Variants in PTPRA observed in about 807,000 individuals in gnomAD.
PTPRA encodes protein tyrosine phosphatase receptor type A.
Under a neutral mutation model 104.8 loss-of-function variants are expected in PTPRA, and 25 were observed. The ratio of observed to expected loss-of-function variants is 0.24; its 90% CI spans 0.17 to 0.33. The LOEUF is 0.33. PTPRA is among the 10% of genes least tolerant of loss of function. The pLI is 1.00. For missense variants in PTPRA, 765 were observed against 1,015.3 expected (o/e 0.75, Z 3.35); for synonymous variants, 323 against 368.9 (o/e 0.88, Z 1.43).
At chr20:2,953,298 A>G (rs991733016) in intron 3 of PTPRA, among the ~76,000 whole-genome samples, 1 of 151,758 alleles carries the variant, frequency 6.6e-6, no homozygotes, top group Non-Finnish European at 1.5e-5. Flanking sequence ...TCTGTCACCC[A>G]GGCTGAAGTG....
intron 6 of PTPRA, among the ~76,000 whole-genome samples, chr20:2,977,293 A>C (rs1481811379): frequency 4.1e-5 from 1 of 24,492 alleles, no homozygotes; most frequent in Non-Finnish European, 5.8e-5. Context: ...CTCTGTCTCA[A>C]AAAAAAAAAA....
At chr20:3,031,587 G>T (rs2065457029) in intron 20 of PTPRA, among the ~76,000 whole-genome samples, 3 of 152,050 alleles carry the variant, frequency 2.0e-5, no homozygotes, top group Non-Finnish European at 4.4e-5. Context: ...GTCACCATCT[G>T]CCCTGTATCT....
intron 1 of PTPRA, among the ~76,000 whole-genome samples, chr20:2,917,164 C>A (rs1484285347): frequency 6.6e-6 from 1 of 151,938 alleles, no homozygotes; most frequent in Non-Finnish European, 1.5e-5. Context: ...AGCATGTTGG[C>A]CAGGCTGGTC....
intron 20 of PTPRA, among the ~76,000 whole-genome samples, chr20:3,030,760 G>A (rs187078117): frequency 1.6e-5 from 2 of 125,346 alleles, no homozygotes; most frequent in African/African-American, 6.3e-5. Context: ...ATCTCAGCTC[G>A]CTGCAACCTC....
intron 1 of PTPRA, among the ~76,000 whole-genome samples, chr20:2,884,409 G>C (rs989168100): frequency 2.6e-5 from 4 of 152,078 alleles, no homozygotes; most frequent in Admixed American, 6.6e-5. Flanking sequence ...AATGCTTAGG[G>C]GTCCCAATGT....
chr20:2,866,711 T>C, the PTPRA span: 1 of 1,329,800 alleles, frequency 7.5e-7, no homozygotes. Flanking sequence ...TGTCTGGTTT[T>C]AAATAAAGTT....
At chr20:2,899,229 T>TGAGA (rs1216658374) in intron 1 of PTPRA, among the ~76,000 whole-genome samples, 3 of 151,840 alleles carry the variant, frequency 2.0e-5, no homozygotes, top group Admixed American at 2.0e-4. Flanking sequence ...CTAGCTAGAG[T>TGAGA]GAGATAGAGT....
chr20:2,964,200 T>C, intron 3 of PTPRA, 72 bp from the exon 4 acceptor site: 1 of 1,268,880 alleles, frequency 7.9e-7, no homozygotes, highest in Non-Finnish European at 1.1e-6. Flanking sequence ...TCCAGAATAC[T>C]CTTCTGGTGA....
chr20:3,026,797 C>G lies in PTPRA; in HGVS notation c.1708+17C>G, dbSNP rs1317716311. Reference sequence around the variant, plus strand: ...TCATTCCATGTAAGAGCCCTCCCGCCACTCCAAAGCCTTATTGCCCCATCC... The same window carrying G: ...TCATTCCATGTAAGAGCCCTCCCGCGACTCCAAAGCCTTATTGCCCCATCC... On this transcript the variant is annotated intron_variant, in intron 18 of 23. Coordinates refer to ENST00000399903, the MANE Select transcript of PTPRA (RefSeq NM_001385305.1). 6.4e-7 allele frequency: 1 copy of G among 1,569,368 alleles called. No individual in the cohort carries two copies. Among genetic ancestry groups the G allele is most frequent in the South Asian group, 1.1e-5 (1 of 89,970 alleles).
At chr20:3,023,065 C>T (rs1401239970) in intron 16 of PTPRA, among the ~76,000 whole-genome samples, 4 of 152,212 alleles carry the variant, frequency 2.6e-5, no homozygotes, top group African/African-American at 7.2e-5. Flanking sequence ...TAATCTGTAA[C>T]CCTAGCCCCA....
chr20:2,941,644 A>C (rs1290326799), intron 2 of PTPRA, among the ~76,000 whole-genome samples: 1 of 152,208 alleles, frequency 6.6e-6, no homozygotes, highest in Non-Finnish European at 1.5e-5. Flanking sequence ...TGGGACAAAG[A>C]AAAATCACCC....
At chr20:2,875,630 A>G (rs1426344252) in intron 1 of PTPRA, among the ~76,000 whole-genome samples, 1 of 152,196 alleles carries the variant, frequency 6.6e-6, no homozygotes, top group Non-Finnish European at 1.5e-5. Flanking sequence ...TTGTGATAAT[A>G]ATAATAGCTA....
intron 19 of PTPRA, 34 bp from the exon 20 acceptor site, chr20:3,027,673 C>A: frequency 1.2e-6 from 2 of 1,608,504 alleles, no homozygotes; most frequent in South Asian, 2.2e-5. Context: ...GTGATTAAAC[C>A]ATCTCACCCT....
At chr20:2,983,568 CAAA>C (rs58694839) in intron 6 of PTPRA, among the ~76,000 whole-genome samples, 29 of 93,382 alleles carry the variant, frequency 3.1e-4, no homozygotes, top group Non-Finnish European at 3.9e-4. Flanking sequence ...AAAAAAAATG[CAAA>C]AAAAAAAAAA....
intron 11 of PTPRA, among the ~76,000 whole-genome samples, chr20:3,012,268 T>C (rs1270399117): frequency 6.6e-6 from 1 of 152,144 alleles, no homozygotes; most frequent in Non-Finnish European, 1.5e-5. Flanking sequence ...ATGTACAACA[T>C]GGATTTAGGA....
chr20:3,017,968 T>C lies in PTPRA; in HGVS notation c.1041+55T>C, dbSNP rs965876918. 35 of 1,445,488 alleles carry C rather than the reference T, an allele frequency of 2.4e-5. No homozygotes were observed. In the Admixed American group the frequency reaches 3.0e-4, roughly 12 times the overall value. 89.5% of individuals were successfully genotyped at this position (1,445,488 alleles called of 1,614,324 possible). A position where few individuals can be genotyped will look rare whatever the true frequency, so the allele number is the denominator to read the frequency against. On this transcript the variant is annotated intron_variant, in intron 13 of 23. Transcript: ENST00000399903. ...GAAGGATCACTCTGCATATAAGCTC[T>C]GAGTTTAAGCCTGGCTGTCTATCCT...
At chr20:2,910,537 G>A (rs1320741109) in intron 1 of PTPRA, among the ~76,000 whole-genome samples, 2 of 117,496 alleles carry the variant, frequency 1.7e-5, no homozygotes, top group African/African-American at 3.4e-5. Flanking sequence ...GGCTGGAATG[G>A]AGTGGCTGGG....
intron 5 of PTPRA, among the ~76,000 whole-genome samples, chr20:2,965,468 G>T (rs543978114): frequency 6.6e-6 from 1 of 152,240 alleles, no homozygotes; most frequent in East Asian, 1.9e-4. Flanking sequence ...GGCTTAAAAA[G>T]ACAAGAGAAA....
chr20:2,876,484 A>T (rs920159029), intron 1 of PTPRA, among the ~76,000 whole-genome samples: 1 of 152,180 alleles, frequency 6.6e-6, no homozygotes, highest in African/African-American at 2.4e-5. Context: ...TTTACTTAAC[A>T]TATTTAGGAA....
Sources: gnomAD v4.1 joint callset for allele counts (sites outside exome capture counted in the v4.1 genomes callset) on GRCh38, gnomAD v4.1.1 for gene constraint, MANE v1.5 for transcripts, NCBI Gene and HGNC (gene_info 2026-07-23, HGNC 2026-07-21) for gene names.